UGT1A4: variants seen among roughly 807,000 people sequenced by gnomAD.
The protein encoded by UGT1A4 is UDP glucuronosyltransferase family 1 member A4.
UGT1A4 carries 32 observed loss-of-function variants against 41.1 expected under a neutral mutation model. That is an observed-to-expected ratio of 0.78 (90% CI 0.59 to 1.05). The LOEUF (loss-of-function observed/expected upper bound fraction) is 1.05. Among genes scored for constraint, UGT1A4 ranks in the 50% least tolerant of loss-of-function variants. UGT1A4 has a pLI of 0.00. For synonymous variants in UGT1A4, 283 were observed against 265.1 expected (o/e 1.07, Z -0.66); for missense variants, 748 against 677.4 (o/e 1.10, Z -1.16).
At chr2:233,734,911 G>C (rs1486210050) in intron 1 of UGT1A4, among the ~76,000 whole-genome samples, 1 of 152,162 alleles carries the variant, frequency 6.6e-6, no homozygotes, top group African/African-American at 2.4e-5. Context: ...TTTTACATTT[G>C]CTAAGGAGTG....
chr2:233,732,934 A>G (rs1157775359), intron 1 of UGT1A4, among the ~76,000 whole-genome samples: 1 of 152,018 alleles, frequency 6.6e-6, no homozygotes, highest in Non-Finnish European at 1.5e-5. Context: ...GATTCTTCCT[A>G]TCCATGAGCA....
chr2:233,772,363 A>G lies in UGT1A4; in HGVS notation c.1409A>G (p.Lys470Arg). 1 of 1,614,238 alleles carries G rather than the reference A, an allele frequency of 6.2e-7. No homozygotes were observed. Among genetic ancestry groups the G allele is most frequent in the Non-Finnish European group, 8.5e-7 (1 of 1,180,044 alleles). Residue 470 changes from lysine to arginine, a missense_variant, in exon 5 of 5, where the codon AAG (lysine) becomes AGG (arginine). By Grantham distance (26) the Lys-to-Arg change is conservative. Coordinates refer to ENST00000373409, the MANE Select transcript of UGT1A4 (RefSeq NM_007120.3). ...TGGGTGGAGTTTGTGATGAGGCACA[A>G]GGGCGCGCCACACCTGCGCCCCGCA... Reference protein sequence around the residue: ...VFWVEFVMRHKGAPHLRPAAH... With the variant: ...VFWVEFVMRHRGAPHLRPAAH...
intron 2 of UGT1A4, 44 bp downstream of exon 2, chr2:233,767,209 A>G: frequency 1.2e-6 from 2 of 1,613,062 alleles, no homozygotes; most frequent in Non-Finnish European, 1.7e-6. Flanking sequence ...TTTTCACAGG[A>G]GCGCTAATCC....
chr2:233,741,046 C>A (rs1691547003), intron 1 of UGT1A4, among the ~76,000 whole-genome samples: 1 of 151,736 alleles, frequency 6.6e-6, no homozygotes, highest in African/African-American at 2.4e-5. Context: ...ATGATCTTGC[C>A]TAGGTAACAG....
At position 233,743,856 on chromosome 2, in the gene UGT1A4, T is replaced by C. The variant is rs764670005; in HGVS notation, c.868-23178T>C. The stretch of plus-strand genomic sequence containing the variant: ...TTGAGCGCCAGCTTGCGGTACGCCT[T>C]CTTGATGGCCTCGGATGAGGCCTGC... On this transcript the variant is annotated intron_variant, in intron 1 of 4. Transcript: ENST00000373409. The C allele has an allele frequency of 2.9e-6, 4 of 1,367,240 alleles. No homozygotes were observed. The East Asian group carries it at 1.4e-4, about 47-fold the overall frequency. The allele number at this position is 1,367,240 out of a possible 1,614,324, so 84.7% of individuals were successfully genotyped here.
rs1031320895 is a variant in UGT1A4, at chr2:233,747,800, G to A, written c.868-19234G>A. ...CAAATCCTTCCTCCTATATTCCTAA[G>A]TTACTAACGACCAATTCAGACCACA... On this transcript the variant is annotated intron_variant, in intron 1 of 4. Transcript: ENST00000373409. The A allele has an allele frequency of 3.1e-6, 5 of 1,613,386 alleles. No homozygotes were observed. The African/African-American group carries it at 4.0e-5, about 13-fold the overall frequency.
intron 1 of UGT1A4, chr2:233,761,102 T>A: frequency 6.2e-7 from 1 of 1,614,234 alleles, no homozygotes; most frequent in Non-Finnish European, 8.5e-7. Context: ...ATGCCCAATA[T>A]GGTTTTTGTT....
intron 1 of UGT1A4, among the ~76,000 whole-genome samples, chr2:233,749,367 C>G (rs893134182): frequency 6.6e-6 from 1 of 151,762 alleles, no homozygotes; most frequent in Non-Finnish European, 1.5e-5. Flanking sequence ...GACTCTTGCC[C>G]TTTTCTTCCA....
chr2:233,745,697 C>A (rs1481234082), intron 1 of UGT1A4, among the ~76,000 whole-genome samples: 2 of 147,560 alleles, frequency 1.4e-5, no homozygotes, highest in African/African-American at 5.1e-5. Flanking sequence ...GTTTGGAGAA[C>A]AACAAGTGAT....
chr2:233,725,063 T>G (rs2077358237), intron 1 of UGT1A4, among the ~76,000 whole-genome samples: 1 of 146,678 alleles, frequency 6.8e-6, no homozygotes, highest in Non-Finnish European at 1.5e-5. Flanking sequence ...GGCGCGCGCC[T>G]GCAATCGCAG....
At chr2:233,767,192 A>G (rs752013731) in intron 2 of UGT1A4, 27 bp downstream of exon 2, 12 of 1,613,678 alleles carry the variant, frequency 7.4e-6, no homozygotes, top group Non-Finnish European at 9.3e-6. Flanking sequence ...CCATGGCCTC[A>G]TATCTATTTT....
At chr2:233,764,396 C>G (rs1202361734) in intron 1 of UGT1A4, among the ~76,000 whole-genome samples, 1 of 152,202 alleles carries the variant, frequency 6.6e-6, no homozygotes, top group African/African-American at 2.4e-5. Flanking sequence ...GTGATGACAA[C>G]TTCTCTGCAG....
At chr2:233,725,722 A>G (rs368612917) in intron 1 of UGT1A4, among the ~76,000 whole-genome samples, 6 of 152,340 alleles carry the variant, frequency 3.9e-5, no homozygotes, top group African/African-American at 1.2e-4. Flanking sequence ...CATATGGTCA[A>G]TGTTTACAAA....
At chr2:233,748,499 T>C (rs1693956853) in intron 1 of UGT1A4, among the ~76,000 whole-genome samples, 1 of 151,838 alleles carries the variant, frequency 6.6e-6, no homozygotes, top group Admixed American at 6.5e-5. Context: ...GTGATAATTT[T>C]TAGTGGTCCT....
chr2:233,750,239 C>A (rs1187783492), intron 1 of UGT1A4, among the ~76,000 whole-genome samples: 6 of 151,854 alleles, frequency 4.0e-5, no homozygotes, highest in African/African-American at 1.2e-4. Context: ...TTATTGGGAA[C>A]TGGAACAAAG....
intron 1 of UGT1A4, among the ~76,000 whole-genome samples, chr2:233,727,631 C>T (rs2077634197): frequency 1.3e-5 from 2 of 152,112 alleles, no homozygotes; most frequent in East Asian, 1.9e-4. Context: ...AGGTTGCACC[C>T]ACAGCTGAGA....
chr2:233,746,205 C>G (rs547152411), intron 1 of UGT1A4, among the ~76,000 whole-genome samples: 7 of 151,856 alleles, frequency 4.6e-5, no homozygotes, highest in Admixed American at 2.6e-4. Flanking sequence ...TATAGCTATA[C>G]TCTAATAGCA....
Position 233,772,517 on chromosome 2 carries a change from A to C in UGT1A4, c.1563A>C (p.Lys521Asn). Residue 521 changes from lysine to asparagine, a missense_variant, in exon 5 of 5, where the codon AAA (lysine) becomes AAC (asparagine). Coordinates refer to ENST00000373409, the MANE Select transcript of UGT1A4 (RefSeq NM_007120.3). Reference protein sequence around the residue: ...CAYGYRKCLGKKGRVKKAHKS... With the variant: ...CAYGYRKCLGNKGRVKKAHKS... ...ATGGCTACCGGAAATGCTTGGGGAA[A>C]AAAGGGCGAGTTAAGAAAGCCCACA... The C allele has an allele frequency of 6.2e-7, 1 of 1,614,222 alleles. No individual in the cohort carries two copies.
In UGT1A4 at chr2:233,718,874, C is replaced by A; in HGVS notation, c.54C>A (p.Leu18=). 6.2e-7 allele frequency: 1 copy of A among 1,613,892 alleles called. No individual in the cohort carries two copies. The highest frequency in any genetic ancestry group is 8.5e-7 in the Non-Finnish European group (1 of 1,179,914). ...PLPRLATGLL[L]LLSVQPWAES... ...CGCGGCTGGCCACAGGACTGCTGCT[C>A]CTCCTCAGTGTCCAGCCCTGGGCTG... Residue 18 remains leucine (L), a synonymous_variant, in exon 1 of 5, where the codon CTC becomes CTA. Transcript: ENST00000373409.
Sources: allele counts gnomAD v4.1 joint callset (sites outside exome capture counted in the v4.1 genomes callset), GRCh38; gene constraint gnomAD v4.1.1; transcripts MANE v1.5; gene names NCBI Gene and HGNC (gene_info 2026-07-23, HGNC 2026-07-21).